The following NCF2 variants were observed in gnomAD, a reference collection of about 807,000 sequenced individuals.
NCF2 encodes the protein neutrophil cytosolic factor 2.
NCF2 carries 45 observed loss-of-function variants against 70.9 expected under a neutral mutation model. That is an observed-to-expected ratio of 0.63 (90% CI 0.50 to 0.81). The LOEUF is 0.81. Among genes scored for constraint, NCF2 ranks in the 40% least tolerant of loss-of-function variants. NCF2 has a pLI of 0.00. For synonymous variants in NCF2, 203 were observed against 233.6 expected (o/e 0.87, Z 1.19); for missense variants, 522 against 631.6 (o/e 0.83, Z 1.86).
At chr1:183,600,338 G>A in the NCF2 span, among the ~76,000 whole-genome samples, 4 of 152,210 alleles carry the variant, frequency 2.6e-5, no homozygotes, top group Non-Finnish European at 5.9e-5. Flanking sequence ...ATCTTAGGCT[G>A]CATTAACAGA....
At chr1:183,560,029 T>C in intron 14 of NCF2, 67 bp downstream of exon 14, 1 of 1,506,316 alleles carries the variant, frequency 6.6e-7, no homozygotes. Flanking sequence ...TATTTTCTTC[T>C]CTCTGCCCTT....
Position 183,590,357 on chromosome 1 carries a change from G to T in NCF2, c.-28C>A, listed in dbSNP as rs748277308. 3.1e-6 allele frequency: 5 copies of T among 1,613,710 alleles called. 1 individual carries two copies. In the South Asian group the frequency reaches 5.5e-5, roughly 18 times the overall value. On this transcript the variant is annotated 5_prime_UTR_variant, in exon 1 of 15. Coordinates refer to ENST00000367535, the MANE Select transcript of NCF2 (RefSeq NM_000433.4). ...TTAGGTAGAAACTAGGAGGCCAAGA[G>T]AGCTGCCAGGAGACAGAGAGAAGAC...
In NCF2 at chr1:183,563,372, C is replaced by T. The variant is rs1672160050; in HGVS notation, c.1178+62G>A. 1.1e-5 allele frequency: 18 copies of T among 1,613,874 alleles called. No individual in the cohort carries two copies. In the South Asian group the frequency reaches 1.8e-4, roughly 16 times the overall value. ...CATCACAAAAACCATCCTCCTCTTC[C>T]CTCCTCCAGGCCAGCACAAGGTTCC... is the stretch of plus-strand genomic sequence containing the variant. On this transcript the variant is annotated intron_variant, in intron 12 of 14. Coordinates refer to ENST00000367535, the MANE Select transcript of NCF2 (RefSeq NM_000433.4).
rs1484391507 is a variant in NCF2 at position 183,556,132 on chromosome 1, G to A, written c.1567C>T (p.Arg523Trp). 6.8e-6 allele frequency: 11 copies of A among 1,613,842 alleles called. No homozygotes were observed. The highest frequency in any genetic ancestry group is 3.3e-4 in the Middle Eastern group (2 of 6,062). ...TGTGAAACATCCTAGACTTCTCTCC[G>A]AGTGCTTTCCAAATCTGTAGTTGCG... ...DCATTDLEST[R>W]REV Residue 523 changes from arginine to tryptophan, a missense_variant, in exon 15 of 15, where the codon CGG becomes TGG. Coordinates refer to ENST00000367535, the MANE Select transcript of NCF2 (RefSeq NM_000433.4).
intron 7 of NCF2, 75 bp downstream of exon 7, chr1:183,569,067 T>TCTTCCCTCC: frequency 7.0e-7 from 1 of 1,425,806 alleles, no homozygotes; most frequent in South Asian, 1.1e-5. Context: ...ACCTTCATCT[T>TCTTCCCTCC]CTTCCCTCCC....
At chr1:183,575,815 A>C (rs531062684) in intron 3 of NCF2, among the ~76,000 whole-genome samples, 8 of 152,306 alleles carry the variant, frequency 5.3e-5, no homozygotes, top group African/African-American at 1.7e-4. Context: ...CCAAACTCAG[A>C]CAGGTGGAAG....
intron 3 of NCF2, 132 bp from the exon 4 acceptor site, chr1:183,574,753 C>T: frequency 1.8e-6 from 2 of 1,113,616 alleles, no homozygotes; most frequent in Non-Finnish European, 2.7e-6. Flanking sequence ...CTGGGAATAT[C>T]TAAAATATAG....
At chr1:183,580,518 G>A (rs1673010857) in intron 2 of NCF2, among the ~76,000 whole-genome samples, 1 of 152,158 alleles carries the variant, frequency 6.6e-6, no homozygotes, top group Admixed American at 6.5e-5. Flanking sequence ...GAAGGTCTCA[G>A]AGGGCACACA....
chr1:183,559,403 A>G (rs1671938406), intron 14 of NCF2, among the ~76,000 whole-genome samples: 2 of 152,190 alleles, frequency 1.3e-5, no homozygotes, highest in Non-Finnish European at 2.9e-5. Context: ...TTAAGGCAAA[A>G]TTTACCTACT....
chr1:183,576,483 G>T (rs1179787620), intron 3 of NCF2, among the ~76,000 whole-genome samples: 1 of 152,176 alleles, frequency 6.6e-6, no homozygotes, highest in African/African-American at 2.4e-5. Flanking sequence ...AGTGCTAGTA[G>T]CATCTAAAAG....
chr1:183,572,916 C>T (rs1312721876), intron 5 of NCF2, among the ~76,000 whole-genome samples: 1 of 152,196 alleles, frequency 6.6e-6, no homozygotes, highest in Non-Finnish European at 1.5e-5. Context: ...TCCATTGGCT[C>T]AGTCCCTAAG....
rs370425896 is a variant in NCF2 at position 183,573,341 on chromosome 1, G to A, written c.502-49C>T. ...TCCCTTATGTGAAAATGGGGGTGAC[G>A]ATGCTTGTCCTGCCTCCCTCAGTGA... On this transcript the variant is annotated intron_variant, in intron 4 of 14. Coordinates refer to ENST00000367535, the MANE Select transcript of NCF2 (RefSeq NM_000433.4). The A allele has an allele frequency of 7.2e-6, 11 of 1,528,998 alleles. No individual in the cohort carries two copies. The East Asian group carries it at 9.0e-5, about 13-fold the overall frequency. 94.7% of individuals were successfully genotyped at this position (1,528,998 alleles called of 1,614,324 possible).
At chr1:183,557,806 T>A (rs1025662690) in intron 14 of NCF2, among the ~76,000 whole-genome samples, 4 of 152,190 alleles carry the variant, frequency 2.6e-5, no homozygotes, top group Non-Finnish European at 5.9e-5. Context: ...CTTGGAGGTG[T>A]TCAACCCAGT....
At chr1:183,578,370 T>G (rs897701341) in intron 2 of NCF2, among the ~76,000 whole-genome samples, 1 of 152,144 alleles carries the variant, frequency 6.6e-6, no homozygotes, top group Non-Finnish European at 1.5e-5. Context: ...TTTTTTCTTT[T>G]TTTTTGAGAC....
the NCF2 span, among the ~76,000 whole-genome samples, chr1:183,599,423 C>CTTCT: frequency 0.1 from 10,771 of 107,176 alleles, 634 homozygotes; most frequent in East Asian, 0.16. Context: ...TCTTTCTTTC[C>CTTCT]TTCTTTCTTT....
At chr1:183,600,608 C>A in the NCF2 span, among the ~76,000 whole-genome samples, 1 of 152,092 alleles carries the variant, frequency 6.6e-6, no homozygotes, top group African/African-American at 2.4e-5. Flanking sequence ...GTCTTTATTT[C>A]AGTCTTTTTT....
At chr1:183,570,888 T>C (rs1672516624) in intron 5 of NCF2, 49 bp from the exon 6 acceptor site, 1 of 1,588,610 alleles carries the variant, frequency 6.3e-7, no homozygotes, top group South Asian at 1.1e-5. Context: ...ACTGTTTCCA[T>C]TCTTCTGGGT....
chr1:183,559,988 A>T, intron 14 of NCF2, 108 bp downstream of exon 14: 1 of 1,273,948 alleles, frequency 7.8e-7, no homozygotes, highest in South Asian at 1.3e-5. Context: ...GGTTGAAAAC[A>T]CTGGCTAAAG....
chr1:183,575,177 G>A (rs1177975065), intron 3 of NCF2, among the ~76,000 whole-genome samples: 1 of 152,158 alleles, frequency 6.6e-6, no homozygotes, highest in African/African-American at 2.4e-5. Context: ...CAAGACTAAT[G>A]TAGCAACACA....
Sources: allele counts gnomAD v4.1 joint callset (sites outside exome capture counted in the v4.1 genomes callset), GRCh38; gene constraint gnomAD v4.1.1; transcripts MANE v1.5; gene names NCBI Gene and HGNC (gene_info 2026-07-23, HGNC 2026-07-21).